Variants in FBN2 observed in about 807,000 individuals in gnomAD.
FBN2 encodes the protein fibrillin 2, also known as fibrillin-2.
A neutral mutation model predicts 355.6 loss-of-function variants in FBN2; 105 were observed. That is an observed-to-expected ratio of 0.30 (90% confidence interval 0.25 to 0.35). The LOEUF (loss-of-function observed/expected upper bound fraction) is 0.35, where lower values mean the gene tolerates loss of function less well. FBN2 is among the 10% of genes least tolerant of loss of function. FBN2 has a pLI of 1.00. For missense variants in FBN2, 3,280 were observed against 3,758.7 expected (o/e 0.87, Z 3.33); for synonymous variants, 1,350 against 1,301.2 (o/e 1.04, Z -0.81).
At chr5:128,506,249 C>G (rs934920679) in intron 5 of FBN2, among the ~76,000 whole-genome samples, 3 of 152,104 alleles carry the variant, frequency 2.0e-5, no homozygotes, top group Non-Finnish European at 2.9e-5. Flanking sequence ...TGAATTCATA[C>G]AACAATTTTG....
chr5:128,277,281 A>G (rs559994021), intron 58 of FBN2, among the ~76,000 whole-genome samples: 2 of 152,362 alleles, frequency 1.3e-5, no homozygotes, highest in South Asian at 4.1e-4. Flanking sequence ...CACGACTGTC[A>G]TATATAGGTG....
At chr5:128,265,647 T>C (rs1299901203) in intron 62 of FBN2, among the ~76,000 whole-genome samples, 1 of 152,208 alleles carries the variant, frequency 6.6e-6, no homozygotes, top group Non-Finnish European at 1.5e-5. Context: ...ATTTCCAATT[T>C]TGAATAATTG....
chr5:128,318,326 C>T, intron 35 of FBN2, 55 bp from the exon 36 acceptor site: 15 of 1,596,208 alleles, frequency 9.4e-6, no homozygotes, highest in East Asian at 2.2e-5. Context: ...TCTGTGCATA[C>T]TGCTGTTCCA....
In FBN2 at chr5:128,283,543, GTC is replaced by G. The variant is rs1581186724; in HGVS notation, c.7012+3173_7012+3174del. On this transcript the variant is annotated intron_variant, in intron 55 of 64. Transcript: ENST00000262464. ...CTTTCTTAGTCTCCTAATATTTTTA[GTC>G]TCTCTAAATATTGGAACAACCAGAG... Among the ~76,000 whole-genome samples the G allele has an allele frequency of 3.3e-5, 5 of 152,268 alleles. No individual in the cohort carries two copies. In the East Asian group the frequency reaches 9.6e-4, roughly 29 times the overall value.
At chr5:128,269,243 C>T (rs1031533383) in intron 62 of FBN2, among the ~76,000 whole-genome samples, 4 of 149,350 alleles carry the variant, frequency 2.7e-5, no homozygotes, top group East Asian at 2.0e-4. Context: ...GGTGAAACCC[C>T]GTCTCTACTA....
In FBN2 at chr5:128,537,350, C is replaced by A; in HGVS notation, c.254G>T (p.Gly85Val). 1 of 1,610,386 alleles carries A rather than the reference C, an allele frequency of 6.2e-7. No homozygotes were observed. The highest frequency in any genetic ancestry group is 8.5e-7 in the Non-Finnish European group (1 of 1,179,792). The change falls in exon 1 of 65, where the codon GGG becomes GTG. Residue 85 changes from glycine (G) to valine (V), a missense_variant and splice_region_variant. This residue lies in a region of FBN2 where 203 missense variants were observed against 142.2 expected (regional missense o/e 1.43). Transcript: ENST00000262464. ...GGTGCGGAGCCGCTTGCCCACTTAC[C>A]CTCGGAGCACGTCCTGCTGTCCTCG... ...RRRGQQDVLR[G>V]PNVCGSRFHS...
Position 128,288,628 on chromosome 5 carries a change from T to G in FBN2, c.6638-71A>C, listed in dbSNP as rs1177151612. ...ACAGGAGAATGCCCAGGAAGACCCATGCTTGGCCCTCACCCATTTCCAGGA... is the reference window on the plus strand; with the variant it reads ...ACAGGAGAATGCCCAGGAAGACCCAGGCTTGGCCCTCACCCATTTCCAGGA... On this transcript the variant is annotated intron_variant, in intron 52 of 64. Coordinates refer to ENST00000262464, the MANE Select transcript of FBN2 (RefSeq NM_001999.4). 8 of 1,555,448 alleles carry G rather than the reference T, an allele frequency of 5.1e-6. No homozygotes were observed. The Middle Eastern group carries it at 5.0e-4, about 97-fold the overall frequency.
intron 35 of FBN2, among the ~76,000 whole-genome samples, chr5:128,318,500 G>A (rs1750272868): frequency 2.6e-5 from 4 of 151,768 alleles, no homozygotes. Context: ...CAAATACATT[G>A]TAATTAATTA....
intron 36 of FBN2, among the ~76,000 whole-genome samples, chr5:128,313,183 G>A (rs1433052161): frequency 2.6e-5 from 4 of 152,130 alleles, no homozygotes; most frequent in African/African-American, 9.7e-5. Context: ...TAACTTTGCA[G>A]GTTTTGGAAA....
At position 128,453,646 on chromosome 5, in the gene FBN2, TTTC is replaced by T. The variant is rs1443560916; in HGVS notation, c.827-7043_827-7041del. ...TATGTTTTCTTTTTTTGTTGTTGGT[TTTC>T]TTTTTTTTCAGTTTTTATATGCAGG... On this transcript the variant is annotated intron_variant, in intron 6 of 64. Coordinates refer to ENST00000262464, the MANE Select transcript of FBN2 (RefSeq NM_001999.4). 4.6e-5 allele frequency among the ~76,000 whole-genome samples: 7 copies of T among 152,144 alleles called. No homozygotes were observed. The East Asian group carries it at 1.3e-3, about 29-fold the overall frequency.
At chr5:128,329,316 A>C (rs1346553504) in intron 33 of FBN2, among the ~76,000 whole-genome samples, 1 of 152,156 alleles carries the variant, frequency 6.6e-6, no homozygotes, top group Non-Finnish European at 1.5e-5. Context: ...ATCTTATAAA[A>C]ATACTCCTAT....
chr5:128,374,726 C>T lies in FBN2; in HGVS notation c.1997G>A (p.Gly666Glu). The change falls in exon 15 of 65, where the codon GGA becomes GAA. Residue 666 changes from glycine (G) to glutamate (E), a missense_variant. Gly to Glu is a moderately conservative substitution (Grantham distance 98, BLOSUM62 -2). Coordinates refer to ENST00000262464, the MANE Select transcript of FBN2 (RefSeq NM_001999.4). ...CTDVDECQTP[G>E]ICMNGHCINS... ...GATGCAGTGCCCATTCATGCAGATT[C>T]CTGGGGTCTGGCATTCATCAACATC... The T allele has an allele frequency of 1.2e-6, 2 of 1,613,874 alleles. No individual in the cohort carries two copies. Among genetic ancestry groups the T allele is most frequent in the Non-Finnish European group, 1.7e-6 (2 of 1,179,892 alleles).
intron 2 of FBN2, among the ~76,000 whole-genome samples, chr5:128,532,919 A>G (rs138565747): frequency 1.2e-3 from 176 of 152,300 alleles, no homozygotes; most frequent in African/African-American, 4.0e-3. Context: ...ATGTGCCCAT[A>G]GTCCCAGCTA....
intron 48 of FBN2, among the ~76,000 whole-genome samples, chr5:128,296,804 A>AT (rs1749531966): frequency 6.6e-6 from 1 of 151,770 alleles, no homozygotes; most frequent in Non-Finnish European, 1.5e-5. Context: ...GGATTCGTTA[A>AT]TTTTTTGAAG....
At chr5:128,312,562 C>T (rs1750083252) in intron 37 of FBN2, 72 bp downstream of exon 37, 15 of 1,566,340 alleles carry the variant, frequency 9.6e-6, no homozygotes, top group Non-Finnish European at 1.2e-5. Flanking sequence ...TCACTCCCAG[C>T]TCAGGAATAA....
intron 55 of FBN2, among the ~76,000 whole-genome samples, chr5:128,283,195 A>G (rs153974): frequency 1.4e-4 from 22 of 152,326 alleles, no homozygotes; most frequent in Non-Finnish European, 3.1e-4. Context: ...TCATTCCCTC[A>G]GCATAAATTC....
chr5:128,491,149 A>G, intron 5 of FBN2, among the ~76,000 whole-genome samples: 1 of 152,208 alleles, frequency 6.6e-6, no homozygotes, highest in Non-Finnish European at 1.5e-5. Context: ...TTAATTTTCT[A>G]AAAAAGGAAA....
rs144018137 is a variant in FBN2 at position 128,318,922 on chromosome 5, G to A, written c.4551C>T (p.Cys1517=). Residue 1517 remains cysteine (C), a synonymous_variant, in exon 35 of 65, where the codon TGC becomes TGT. Coordinates refer to ENST00000262464, the MANE Select transcript of FBN2 (RefSeq NM_001999.4). ...NNLPGMFHCI[C]DDGYELDRTG... ...TTCTGTCCAATTCATAACCATCATC[G>A]CAGATGCAATGAAACATTCCAGGCA... is the stretch of plus-strand genomic sequence containing the variant. 4.9e-5 allele frequency: 79 copies of A among 1,612,412 alleles called. No individual in the cohort carries two copies. Among genetic ancestry groups the A allele is most frequent in the Non-Finnish European group, 2.4e-5 (28 of 1,178,980 alleles).
intron 6 of FBN2, among the ~76,000 whole-genome samples, chr5:128,456,434 C>T (rs185340657): frequency 9.7e-4 from 147 of 152,244 alleles, no homozygotes; most frequent in Middle Eastern, 3.4e-3. Flanking sequence ...CTCTCTCCAC[C>T]AAAGGACAAA....
Sources: allele counts gnomAD v4.1 joint callset (sites outside exome capture counted in the v4.1 genomes callset), GRCh38; gene constraint gnomAD v4.1.1; regional missense constraint gnomAD v4.1.1; transcripts MANE v1.5; gene names NCBI Gene and HGNC (gene_info 2026-07-23, HGNC 2026-07-21).